Variants in SH3GL2 observed in about 807,000 individuals in gnomAD.
SH3GL2 encodes endophilin-A1.
A neutral mutation model predicts 46.0 loss-of-function variants in SH3GL2; 24 were observed. The ratio of observed to expected loss-of-function variants is 0.52; its 90% confidence interval spans 0.38 to 0.73. The LOEUF is 0.73. SH3GL2 is among the 30% of genes least tolerant of loss of function. The pLI is 0.00. For missense variants in SH3GL2, 413 were observed against 424.2 expected, an observed-to-expected ratio of 0.97 and a Z score of 0.23; for synonymous variants, 196 against 147.1, an observed-to-expected ratio of 1.33 and a Z score of -2.40.
intron 3 of SH3GL2, among the ~76,000 whole-genome samples, chr9:17,785,097 C>A (rs1823915341): frequency 1.3e-5 from 2 of 152,140 alleles, no homozygotes; most frequent in South Asian, 4.1e-4. Flanking sequence ...TTTTTCCAGT[C>A]ACCACCAGCC....
At chr9:17,596,182 G>A (rs1818567693) in intron 1 of SH3GL2, among the ~76,000 whole-genome samples, 1 of 152,076 alleles carries the variant, frequency 6.6e-6, no homozygotes, top group East Asian at 1.9e-4. Context: ...AAAACTATTG[G>A]AACACCTGCC....
chr9:17,777,675 C>T (rs1044676227), intron 3 of SH3GL2, among the ~76,000 whole-genome samples: 4 of 152,026 alleles, frequency 2.6e-5, no homozygotes, highest in African/African-American at 7.2e-5. Flanking sequence ...GTAACCTTTT[C>T]GTGGTGCATG....
At chr9:17,579,810 G>C (rs1209586264) in intron 1 of SH3GL2, among the ~76,000 whole-genome samples, 2 of 152,160 alleles carry the variant, frequency 1.3e-5, no homozygotes, top group Non-Finnish European at 2.9e-5. Context: ...CCGCCCGCAG[G>C]CTCCAGGGGA....
chr9:17,749,095 G>A (rs999631162), intron 2 of SH3GL2, among the ~76,000 whole-genome samples: 2 of 152,140 alleles, frequency 1.3e-5, no homozygotes, highest in Non-Finnish European at 2.9e-5. Context: ...TCAGAAGTCT[G>A]GAAAACCAGA....
chr9:17,635,431 A>G (rs1819521811), intron 1 of SH3GL2, among the ~76,000 whole-genome samples: 1 of 152,178 alleles, frequency 6.6e-6, no homozygotes, highest in Non-Finnish European at 1.5e-5. Context: ...GAGACCTTCA[A>G]AGAATATTTG....
chr9:17,654,370 C>T lies in SH3GL2; in HGVS notation c.45+75083C>T, dbSNP rs549557437. On this transcript the variant is annotated intron_variant, in intron 1 of 8. Transcript: ENST00000380607. The stretch of plus-strand genomic sequence containing the variant: ...GACTCCTCTAGGGAAGGGGGATTGT[C>T]GTATTGTTTTGTGTGTTCACTGAAG... 5.3e-5 allele frequency among the ~76,000 whole-genome samples: 8 copies of T among 152,150 alleles called. No homozygotes were observed. In the South Asian group the frequency reaches 1.2e-3, roughly 24 times the overall value.
chr9:17,730,577 T>C (rs985560871), intron 1 of SH3GL2, among the ~76,000 whole-genome samples: 1 of 152,172 alleles, frequency 6.6e-6, no homozygotes, highest in African/African-American at 2.4e-5. Context: ...GCCCATTCAA[T>C]ATGATATTGG....
intron 1 of SH3GL2, among the ~76,000 whole-genome samples, chr9:17,655,280 C>T (rs931676235): frequency 6.6e-6 from 1 of 152,120 alleles, no homozygotes; most frequent in Non-Finnish European, 1.5e-5. Flanking sequence ...TCAAATAACC[C>T]CAGAAGGATG....
chr9:17,601,636 C>G (rs1818675730), intron 1 of SH3GL2, among the ~76,000 whole-genome samples: 1 of 152,244 alleles, frequency 6.6e-6, no homozygotes, highest in South Asian at 2.1e-4. Context: ...CAAACCATGA[C>G]AGTAGTTAAA....
In SH3GL2 at chr9:17,596,101, A is replaced by G. The variant is rs573234800; in HGVS notation, c.45+16814A>G. Among the ~76,000 whole-genome samples the G allele has an allele frequency of 1.3e-3, 192 of 152,312 alleles. 2 individuals are homozygous for G. The highest frequency in any genetic ancestry group is 4.4e-3 in the African/African-American group (181 of 41,560). Reference sequence around the variant, plus strand: ...TTAGGAGCCATCACGGGGACTAGGAACAAACCCAGTTTCTAGCCAAGTTCT... The same window carrying G: ...TTAGGAGCCATCACGGGGACTAGGAGCAAACCCAGTTTCTAGCCAAGTTCT... On this transcript the variant is annotated intron_variant, in intron 1 of 8. Transcript: ENST00000380607.
At chr9:17,735,508 A>G (rs1052830740) in intron 1 of SH3GL2, among the ~76,000 whole-genome samples, 1 of 151,260 alleles carries the variant, frequency 6.6e-6, no homozygotes, top group African/African-American at 2.4e-5. Context: ...GTCCACTTAT[A>G]CATGAATTTT....
At chr9:17,754,011 G>T (rs1450958957) in intron 2 of SH3GL2, among the ~76,000 whole-genome samples, 3 of 152,146 alleles carry the variant, frequency 2.0e-5, no homozygotes, top group African/African-American at 7.2e-5. Context: ...TTATTTCTGA[G>T]ATCTCTATTC....
chr9:17,611,549 A>G (rs1240718900), intron 1 of SH3GL2, among the ~76,000 whole-genome samples: 2 of 152,174 alleles, frequency 1.3e-5, no homozygotes, highest in African/African-American at 2.4e-5. Flanking sequence ...TGACCTGTAT[A>G]TGGGATGTAT....
chr9:17,789,463 G>T lies in SH3GL2; in HGVS notation c.537G>T (p.Pro179=). The T allele has an allele frequency of 6.2e-7, 1 of 1,613,404 alleles. No homozygotes were observed. Among genetic ancestry groups the T allele is most frequent in the Non-Finnish European group, 8.5e-7 (1 of 1,179,496 alleles). Residue 179 remains proline (P), a synonymous_variant, in exon 6 of 9, where the codon CCG becomes CCT. Transcript: ENST00000380607. ...AGAAGAAACGACAAGGCAAGATTCCGGATGAAGAGCTTCGTCAAGCTCTAG... is the reference window on the plus strand; with the variant it reads ...AGAAGAAACGACAAGGCAAGATTCCTGATGAAGAGCTTCGTCAAGCTCTAG... ...DYKKKRQGKI[P]DEELRQALEK...
chr9:17,618,793 T>TTGTC (rs1819064405), intron 1 of SH3GL2, among the ~76,000 whole-genome samples: 1 of 149,484 alleles, frequency 6.7e-6, no homozygotes, highest in Non-Finnish European at 1.5e-5. Flanking sequence ...TTGGCTTATT[T>TTGTC]TGTGTGTGTG....
chr9:17,631,337 A>G (rs1267394269), intron 1 of SH3GL2, among the ~76,000 whole-genome samples: 1 of 152,190 alleles, frequency 6.6e-6, no homozygotes. Flanking sequence ...GTTAAAATAA[A>G]AACCACAGTG....
chr9:17,616,714 C>T (rs764093964), intron 1 of SH3GL2, among the ~76,000 whole-genome samples: 2 of 152,090 alleles, frequency 1.3e-5, no homozygotes, highest in Non-Finnish European at 1.5e-5. Context: ...CCTTAAAAAT[C>T]GTATCATTGA....
intron 1 of SH3GL2, among the ~76,000 whole-genome samples, chr9:17,634,180 G>T (rs973716631): frequency 6.6e-6 from 1 of 152,152 alleles, no homozygotes; most frequent in African/African-American, 2.4e-5. Context: ...TGTGGAGGTT[G>T]CATCGGTTAA....
At chr9:17,702,995 C>A (rs907754591) in intron 1 of SH3GL2, among the ~76,000 whole-genome samples, 8 of 152,026 alleles carry the variant, frequency 5.3e-5, no homozygotes. Flanking sequence ...TTACTTTATC[C>A]TGCCTTAAAA....
Sources: allele counts gnomAD v4.1 joint callset (sites outside exome capture counted in the v4.1 genomes callset), GRCh38; gene constraint gnomAD v4.1.1; transcripts MANE v1.5; gene names NCBI Gene and HGNC (gene_info 2026-07-23, HGNC 2026-07-21).